Variants in RNF213 observed in about 807,000 individuals in gnomAD.
RNF213 encodes the protein E3 ubiquitin-protein ligase RNF213.
A neutral mutation model predicts 514.4 loss-of-function variants in RNF213; 341 were observed. The ratio of observed to expected loss-of-function variants is 0.66; its 90% CI spans 0.61 to 0.73. RNF213 has a LOEUF of 0.73. RNF213 is among the 30% of genes least tolerant of loss of function. The pLI, the probability that RNF213 is intolerant of heterozygous loss-of-function variation, is 0.00. For missense variants in RNF213, 5,767 were observed against 6,615.6 expected, an observed-to-expected ratio of 0.87 and a Z score of 4.45; for synonymous variants, 2,655 against 2,658.2, an observed-to-expected ratio of 1.00 and a Z score of 0.04.
chr17:80,385,108 T>C lies in RNF213; in HGVS notation c.14392T>C (p.Phe4798Leu), dbSNP rs2080180321. 1 of 1,614,030 alleles carries C rather than the reference T, an allele frequency of 6.2e-7. No homozygotes were observed. Among genetic ancestry groups the C allele is most frequent in the Admixed American group, 1.7e-5 (1 of 60,002 alleles). ...LALQRDLVKQ[F>L]QNVQQVEYSS... ...CTTGCAAAGGGATCTAGTGAAGCAGTTCCAGAACGTCCAGCAAGTTGAATA... is the reference window on the plus strand; with the variant it reads ...CTTGCAAAGGGATCTAGTGAAGCAGCTCCAGAACGTCCAGCAAGTTGAATA... The change falls in exon 60 of 68, where the codon TTC becomes CTC. Residue 4798 changes from phenylalanine (F) to leucine (L), a missense_variant. Phe to Leu is a conservative substitution (Grantham distance 22). Coordinates refer to ENST00000582970, the MANE Select transcript of RNF213 (RefSeq NM_001256071.3).
In RNF213 at chr17:80,390,170, C is replaced by G. The variant is rs778138638; in HGVS notation, c.15444C>G (p.Thr5148=). 2 of 1,614,142 alleles carry G rather than the reference C, an allele frequency of 1.2e-6. No individual in the cohort carries two copies. The highest frequency in any genetic ancestry group is 3.3e-5 in the Admixed American group (2 of 60,028). The change falls in exon 67 of 68, where the codon ACC becomes ACG. Residue 5148 remains threonine, a synonymous_variant. Coordinates refer to ENST00000582970, the MANE Select transcript of RNF213 (RefSeq NM_001256071.3). The part of the protein sequence containing the change: ...ILKLKNPQTQ[T]EERFRPQWSL... ...AACTAAAGAACCCCCAAACCCAAAC[C>G]GAGGAGCGCTTCCGCCCTCAGTGGA... is the stretch of plus-strand genomic sequence containing the variant.
At chr17:80,373,357 G>A (rs2079603503) in intron 49 of RNF213, among the ~76,000 whole-genome samples, 192 bp downstream of exon 49, 1 of 149,746 alleles carries the variant, frequency 6.7e-6, no homozygotes, top group Non-Finnish European at 1.5e-5. Context: ...CCCAGGGATG[G>A]TGCCACTGCT....
rs1454103610 is a variant in RNF213, at chr17:80,339,569, C to G, written c.5202C>G (p.Ser1734Arg). ...TAACGATGCTATCCTTCATCAAAAGCAACTGCACCCTGAGGGATGTCTTAA... is the reference window on the plus strand; with the variant it reads ...TAACGATGCTATCCTTCATCAAAAGGAACTGCACCCTGAGGGATGTCTTAA... ...AALTMLSFIK[S>R]NCTLRDVLRA... Residue 1734 changes from serine (S) to arginine (R), a missense_variant, in exon 26 of 68, where the codon AGC becomes AGG. By Grantham distance (110) the Ser-to-Arg change is moderately radical. Transcript: ENST00000582970. 1.3e-6 allele frequency: 2 copies of G among 1,537,074 alleles called. No individual in the cohort carries two copies. The highest frequency in any genetic ancestry group is 2.7e-5 in the African/African-American group (2 of 73,024).
At chr17:80,376,751 CACAG>C in intron 52 of RNF213, 127 bp from the exon 53 acceptor site, 1 of 1,116,960 alleles carries the variant, frequency 9.0e-7, no homozygotes. Flanking sequence ...CTGTTTTCTT[CACAG>C]ACAGCTTGAG....
intron 42 of RNF213, among the ~76,000 whole-genome samples, chr17:80,365,545 A>T (rs1468212279): frequency 6.6e-6 from 1 of 151,990 alleles, no homozygotes. Flanking sequence ...TTTCCTTAAG[A>T]GCCCAATCCC....
chr17:80,361,360 A>T (rs2079048849), intron 38 of RNF213, among the ~76,000 whole-genome samples: 1 of 152,154 alleles, frequency 6.6e-6, no homozygotes, highest in Non-Finnish European at 1.5e-5. Context: ...CTCTACTAAA[A>T]ATACAAAAAA....
intron 52 of RNF213, 43 bp from the exon 53 acceptor site, chr17:80,376,839 A>G (rs771580950): frequency 1.3e-6 from 2 of 1,542,308 alleles, no homozygotes; most frequent in Non-Finnish European, 1.8e-6. Context: ...CCCAGGTGAC[A>G]AGCTCACTTA....
At position 80,364,709 on chromosome 17, in the gene RNF213, A is replaced by G. The variant is rs1414139926; in HGVS notation, c.11871+156A>G. 10 of 813,788 alleles carry G rather than the reference A, an allele frequency of 1.2e-5. No individual in the cohort carries two copies. In the African/African-American group the frequency reaches 1.4e-4, roughly 11 times the overall value. 50.4% of individuals were successfully genotyped at this position (813,788 alleles called of 1,614,324 possible). A position where few individuals can be genotyped will look rare whatever the true frequency, so the allele number is the denominator to read the frequency against. ...AAGGTGATTTCATCACTAGGCCATT[A>G]CATTTTCCATGTTTAATTGTTTAAT... On this transcript the variant is annotated intron_variant, in intron 42 of 67. Coordinates refer to ENST00000582970, the MANE Select transcript of RNF213 (RefSeq NM_001256071.3).
Position 80,343,059 on chromosome 17 carries a change from C to A in RNF213, c.5990-73C>A. Reference sequence around the variant, plus strand: ...CTGACCTCAAGTGATCCCCCCGCCTCGGCCTCCCAAAGTGCTAGGATTACA... The same window carrying A: ...CTGACCTCAAGTGATCCCCCCGCCTAGGCCTCCCAAAGTGCTAGGATTACA... On this transcript the variant is annotated intron_variant, in intron 26 of 67. Coordinates refer to ENST00000582970, the MANE Select transcript of RNF213 (RefSeq NM_001256071.3). This position sits in a 1 kb window ranked among gnomAD's most constrained non-coding sequence, Gnocchi z 4.3. 1 of 1,259,340 alleles carries A rather than the reference C, an allele frequency of 7.9e-7. No homozygotes were observed. The highest frequency in any genetic ancestry group is 1.2e-6 in the Non-Finnish European group (1 of 862,706). The allele number at this position is 1,259,340 out of a possible 1,614,324, so 78.0% of individuals were successfully genotyped here. A position where few individuals can be genotyped will look rare whatever the true frequency, so the allele number is the denominator to read the frequency against.
chr17:80,306,480 A>C lies in RNF213; in HGVS notation c.2427+12A>C. 1 of 1,613,322 alleles carries C rather than the reference A, an allele frequency of 6.2e-7. No homozygotes were observed. ...TCTTGAATACGCAGGTTTGTGTCTG[A>C]AGTCGGCTCTGGAGTCCTGGCTTAG... On this transcript the variant is annotated intron_variant, in intron 12 of 67. Transcript: ENST00000582970.
intron 15 of RNF213, chr17:80,315,708 GGAAGTGA>G (rs1202565053): frequency 1.3e-5 from 2 of 150,900 alleles, no homozygotes; most frequent in African/African-American, 2.5e-5. Context: ...TAGAGGTAAT[GGAAGTGA>G]TGGTGGAGGT....
chr17:80,363,493 TG>T, intron 40 of RNF213, 115 bp from the exon 41 acceptor site: 1 of 1,317,266 alleles, frequency 7.6e-7, no homozygotes, highest in Non-Finnish European at 1.1e-6. Context: ...TCCTAGACAA[TG>T]AAAGTTTAGG....
Position 80,263,169 on chromosome 17 carries a change from T to C in RNF213, c.-108-405T>C, listed in dbSNP as rs1031746672. Among the ~76,000 whole-genome samples, 1 of 151,912 alleles carries C rather than the reference T, an allele frequency of 6.6e-6. No homozygotes were observed. Among genetic ancestry groups the C allele is most frequent in the African/African-American group, 2.4e-5 (1 of 41,336 alleles). On this transcript the variant is annotated intron_variant, in intron 1 of 67. Transcript: ENST00000582970. The surrounding 1 kb of genome is among the most constrained non-coding windows in gnomAD (Gnocchi z 4.9). ...GTGGCGCGCTTTGTGGATGGCAGCC[T>C]CCCCCCATTACTAGGAATCTGACTG...
chr17:80,272,714 G>A (rs763717754), intron 2 of RNF213, among the ~76,000 whole-genome samples: 7 of 152,186 alleles, frequency 4.6e-5, no homozygotes, highest in Non-Finnish European at 1.0e-4. Context: ...TGTGGGGCTG[G>A]CAGAGTGGGT....
rs1238566506 is a variant in RNF213 at position 80,291,650 on chromosome 17, C to G, written c.1294C>G (p.Leu432Val). The change falls in exon 8 of 68, where the codon CTT becomes GTT. Residue 432 changes from leucine (L) to valine (V), a missense_variant. By Grantham distance (32) the Leu-to-Val change is conservative. Coordinates refer to ENST00000582970, the MANE Select transcript of RNF213 (RefSeq NM_001256071.3). ...YTRDLGHDRV[L>V]VEGIVCISKK... is the part of the protein sequence containing the mutation. ...CAGAGACTTGGGTCATGACCGCGTT[C>G]TTGTTGAAGGCATTGTCTGCATTTC... 6.2e-7 allele frequency: 1 copy of G among 1,614,202 alleles called. No homozygotes were observed. The highest frequency in any genetic ancestry group is 8.5e-7 in the Non-Finnish European group (1 of 1,180,042).
chr17:80,328,815 T>A (rs2046342629), intron 20 of RNF213, among the ~76,000 whole-genome samples: 1 of 152,136 alleles, frequency 6.6e-6, no homozygotes, highest in African/African-American at 2.4e-5. Context: ...TTGCTTCCTG[T>A]TTTCTCATAA....
chr17:80,266,277 A>G (rs1390184611), intron 2 of RNF213, among the ~76,000 whole-genome samples: 1 of 144,914 alleles, frequency 6.9e-6, no homozygotes, highest in South Asian at 2.2e-4. Flanking sequence ...CCCCATCTCT[A>G]CAAAAAAAAA....
chr17:80,351,402 G>A (rs2144198544), intron 31 of RNF213, among the ~76,000 whole-genome samples: 1 of 152,318 alleles, frequency 6.6e-6, no homozygotes, highest in East Asian at 1.9e-4. Flanking sequence ...ACAAGATAGG[G>A]TTTCTGGTCA....
At chr17:80,265,577 G>A (rs1397475220) in intron 2 of RNF213, among the ~76,000 whole-genome samples, 1 of 152,210 alleles carries the variant, frequency 6.6e-6, no homozygotes, top group Non-Finnish European at 1.5e-5. Flanking sequence ...TGGTGAAAAG[G>A]ATGAACTCAG....
Sources: gnomAD v4.1 joint callset for allele counts (sites outside exome capture counted in the v4.1 genomes callset) on GRCh38, gnomAD v4.1.1 for gene constraint, Gnocchi (gnomAD v3.1) non-coding constraint, MANE v1.5 for transcripts, NCBI Gene and HGNC (gene_info 2026-07-23, HGNC 2026-07-21) for gene names.